SPMIP7: variants seen among roughly 807,000 people sequenced by gnomAD.
SPMIP7 encodes the protein sperm microtubule inner protein 7.
chr7:50,115,938 G>A, the SPMIP7 span, among the ~76,000 whole-genome samples: 24 of 152,134 alleles, frequency 1.6e-4, 1 homozygote, highest in East Asian at 1.4e-3. Flanking sequence ...CCTCTTTCAC[G>A]TTCTCTTTTC....
chr7:50,149,913 G>T, the SPMIP7 span, among the ~76,000 whole-genome samples: 2 of 152,010 alleles, frequency 1.3e-5, no homozygotes, highest in African/African-American at 4.8e-5. Context: ...CTTCCGGTTG[G>T]TATCACTACC....
the SPMIP7 span, among the ~76,000 whole-genome samples, chr7:50,110,374 T>A: frequency 6.7e-6 from 1 of 148,836 alleles, no homozygotes; most frequent in Admixed American, 6.7e-5. Flanking sequence ...ACAGGAGTTC[T>A]TATATATATT....
the SPMIP7 span, among the ~76,000 whole-genome samples, chr7:50,158,802 G>C: frequency 5.9e-5 from 9 of 151,986 alleles, no homozygotes; most frequent in Non-Finnish European, 1.2e-4. Context: ...CGGTGCGGTG[G>C]GGTTCCTTGG....
chr7:50,113,765 A>G, the SPMIP7 span, among the ~76,000 whole-genome samples: 3 of 152,264 alleles, frequency 2.0e-5, no homozygotes, highest in South Asian at 4.1e-4. Flanking sequence ...TGGTGACACA[A>G]TGACACAAAT....
the SPMIP7 span, among the ~76,000 whole-genome samples, chr7:50,109,148 T>C: frequency 2.6e-5 from 4 of 152,306 alleles, no homozygotes; most frequent in African/African-American, 9.6e-5. Flanking sequence ...ATATATAAAA[T>C]GTTCTCATGG....
At chr7:50,097,298 C>T in the SPMIP7 span, among the ~76,000 whole-genome samples, 1 of 152,148 alleles carries the variant, frequency 6.6e-6, no homozygotes, top group Admixed American at 6.5e-5. Context: ...GTAAAAAGAT[C>T]AACATTTTTA....
the SPMIP7 span, among the ~76,000 whole-genome samples, chr7:50,144,529 G>T: frequency 1.3e-5 from 2 of 152,116 alleles, no homozygotes; most frequent in Admixed American, 1.3e-4. Context: ...TTTTCTTGTT[G>T]TAAACAATAT....
At chr7:50,111,047 A>G in the SPMIP7 span, among the ~76,000 whole-genome samples, 1 of 145,418 alleles carries the variant, frequency 6.9e-6, no homozygotes, top group Admixed American at 7.0e-5. Flanking sequence ...TTTATTATAT[A>G]TGATGTTATA....
the SPMIP7 span, among the ~76,000 whole-genome samples, chr7:50,097,692 A>AAC: frequency 6.6e-6 from 1 of 151,686 alleles, no homozygotes; most frequent in Non-Finnish European, 1.5e-5. Context: ...TTAAAAAAAA[A>AAC]AAAAAACTCA....
chr7:50,153,261 T>C, the SPMIP7 span, among the ~76,000 whole-genome samples: 1 of 152,160 alleles, frequency 6.6e-6, no homozygotes, highest in Admixed American at 6.5e-5. Flanking sequence ...TGTCAGGCCA[T>C]GGGTACCAAG....
At chr7:50,121,955 C>A in the SPMIP7 span, among the ~76,000 whole-genome samples, 3 of 103,412 alleles carry the variant, frequency 2.9e-5, no homozygotes, top group African/African-American at 1.1e-4. Flanking sequence ...CCACACCTGG[C>A]TTTTCTTTTT....
chr7:50,134,383 T>TACACAC, the SPMIP7 span: 1 of 578,970 alleles, frequency 1.7e-6, no homozygotes, highest in Non-Finnish European at 2.8e-6. Flanking sequence ...AGTAAATATA[T>TACACAC]ATACACACAC....
chr7:50,159,085 C>T, the SPMIP7 span: 1 of 1,552,022 alleles, frequency 6.4e-7, no homozygotes, highest in Non-Finnish European at 8.7e-7. Flanking sequence ...TCTTCCGTCA[C>T]CAGGCTCCCC....
chr7:50,149,932 G>T, the SPMIP7 span, among the ~76,000 whole-genome samples: 1 of 152,136 alleles, frequency 6.6e-6, no homozygotes, highest in Non-Finnish European at 1.5e-5. Context: ...CCCGGGGTCA[G>T]GCTGAGGCTA....
At chr7:50,107,390 AGAAAAGAAAAAG>A in the SPMIP7 span, among the ~76,000 whole-genome samples, 3 of 79,796 alleles carry the variant, frequency 3.8e-5, no homozygotes, top group Admixed American at 3.2e-4. Flanking sequence ...AAAAAAGAAA[AGAAAAGAAAAAG>A]AAAAAAAAAA....
chr7:50,133,011 T>A, the SPMIP7 span, among the ~76,000 whole-genome samples: 1 of 152,168 alleles, frequency 6.6e-6, no homozygotes, highest in Non-Finnish European at 1.5e-5. Context: ...TGGAAAGATA[T>A]GCCTTGTCCA....
chr7:50,126,535 T>C, the SPMIP7 span, among the ~76,000 whole-genome samples: 17 of 151,578 alleles, frequency 1.1e-4, no homozygotes, highest in African/African-American at 4.1e-4. Flanking sequence ...ATTTTAGGAG[T>C]CTAACTTTAC....
the SPMIP7 span, chr7:50,151,619 G>T: frequency 2.5e-6 from 3 of 1,178,190 alleles, no homozygotes; most frequent in Non-Finnish European, 3.6e-6. Context: ...TCCTAATTGT[G>T]GTTATTCCAT....
chr7:50,100,640 GTC>G, the SPMIP7 span, among the ~76,000 whole-genome samples: 3 of 151,860 alleles, frequency 2.0e-5, no homozygotes. Flanking sequence ...GTGAAACCCC[GTC>G]TCTACTAAAA....
Sources: gnomAD v4.1 joint callset for allele counts (sites outside exome capture counted in the v4.1 genomes callset) on GRCh38, gnomAD v4.1.1 for gene constraint, MANE v1.5 for transcripts, NCBI Gene and HGNC (gene_info 2026-07-23, HGNC 2026-07-21) for gene names.